Variants in GCLC observed in about 807,000 individuals in gnomAD.
GCLC encodes glutamate--cysteine ligase catalytic subunit.
Under a neutral mutation model 81.5 loss-of-function variants are expected in GCLC, and 30 were observed. The ratio of observed to expected loss-of-function variants is 0.37; its 90% CI spans 0.28 to 0.50. GCLC has a LOEUF of 0.50. Ranked by LOEUF, GCLC falls within the 20% of genes least tolerant of loss-of-function variation. GCLC has a pLI of 0.96. For synonymous variants in GCLC, 262 were observed against 273.3 expected (o/e 0.96, Z 0.41); for missense variants, 556 against 777.4 (o/e 0.72, Z 3.39).
intron 1 of GCLC, among the ~76,000 whole-genome samples, chr6:53,527,809 GA>G (rs1005081366): frequency 9.2e-5 from 14 of 152,226 alleles, no homozygotes; most frequent in Non-Finnish European, 1.8e-4. Flanking sequence ...AGGGTCTAGG[GA>G]TCCTTCAACA....
rs35480206 is a variant in GCLC at position 53,540,667 on chromosome 6, CCACACACACACA to C, written c.150+3817_150+3828del. 5.4e-3 allele frequency among the ~76,000 whole-genome samples: 784 copies of C among 143,916 alleles called. 9 individuals carry two copies. Among genetic ancestry groups the C allele is most frequent in the African/African-American group, 0.019 (748 of 39,194 alleles). 94.4% of individuals were successfully genotyped at this position (143,916 alleles called of 152,430 possible). On this transcript the variant is annotated intron_variant, in intron 1 of 15. Transcript: ENST00000650454. The stretch of plus-strand genomic sequence containing the variant: ...GGTAGAGCTCATGTTAAGTGTCTTG[CCACACACACACA>C]CACACACACACACACACACACACAC...
chr6:53,519,678 T>C (rs1425921176), intron 3 of GCLC, among the ~76,000 whole-genome samples: 1 of 152,062 alleles, frequency 6.6e-6, no homozygotes, highest in African/African-American at 2.4e-5. Flanking sequence ...AAACATTAGG[T>C]CGAAGAAATG....
In GCLC at chr6:53,520,967, A is replaced by G; in HGVS notation, c.264-7T>C. The G allele has an allele frequency of 5.6e-6, 9 of 1,607,476 alleles. No homozygotes were observed. Among genetic ancestry groups the G allele is most frequent in the Non-Finnish European group, 7.7e-6 (9 of 1,173,878 alleles). ...TCTCCAAAGGGTAGGATGGCTACGGAGGAGAAATAACTTAGTTCCATCTTA... is the reference window on the plus strand; with the variant it reads ...TCTCCAAAGGGTAGGATGGCTACGGGGGAGAAATAACTTAGTTCCATCTTA... On this transcript the variant is annotated splice_region_variant and splice_polypyrimidine_tract_variant and intron_variant, in intron 2 of 15. Coordinates refer to ENST00000650454, the MANE Select transcript of GCLC (RefSeq NM_001498.4).
Position 53,544,653 on chromosome 6 carries a change from C to CCCTCCT in GCLC, c.-14_-9dup, listed in dbSNP as rs3830798. On this transcript the variant is annotated 5_prime_UTR_variant, in exon 1 of 16. Coordinates refer to ENST00000650454, the MANE Select transcript of GCLC (RefSeq NM_001498.4). ...CTGGGACAGCAGCCCCATGGCCGCC[C>CCCTCCT]CCTCCTCCTCCTCCTCCTCCTCCGG... 363,967 of 1,547,236 alleles carry CCCTCCT rather than the reference C, an allele frequency of 0.24. 30,747 individuals are homozygous for CCCTCCT. Among genetic ancestry groups the CCCTCCT allele is most frequent in the African/African-American group, 0.44 (31,609 of 72,042 alleles).
At position 53,544,701 on chromosome 6, in the gene GCLC, G is replaced by C. The variant is rs924718258; in HGVS notation, c.-56C>G. 2.1e-5 allele frequency: 32 copies of C among 1,522,868 alleles called. 1 individual carries two copies. Among genetic ancestry groups the C allele is most frequent in the Admixed American group, 2.0e-4 (10 of 50,940 alleles). The allele number at this position is 1,522,868 out of a possible 1,614,324, so 94.3% of individuals were successfully genotyped here. On this transcript the variant is annotated 5_prime_UTR_variant, in exon 1 of 16. Transcript: ENST00000650454. ...CGGGCTGACGGCGGTCGCCCGCTCC[G>C]GGCGCGAGACGGACACTCAGCCGCC... is the stretch of plus-strand genomic sequence containing the variant.
intron 6 of GCLC, chr6:53,509,993 A>T (rs1358817373): frequency 6.6e-6 from 1 of 152,604 alleles, no homozygotes; most frequent in Non-Finnish European, 1.5e-5. Context: ...TATGGTGAAG[A>T]GCTTGGAAGG....
chr6:53,520,993 T>C (rs775041362), intron 2 of GCLC, 33 bp from the exon 3 acceptor site: 1 of 1,551,534 alleles, frequency 6.4e-7, no homozygotes, highest in South Asian at 1.1e-5. Context: ...TTCCATCTTA[T>C]TCTTTTGCTA....
At chr6:53,536,837 G>A (rs1281134494) in intron 1 of GCLC, among the ~76,000 whole-genome samples, 1 of 152,190 alleles carries the variant, frequency 6.6e-6, no homozygotes, top group Non-Finnish European at 1.5e-5. Context: ...ATTCAACCAT[G>A]ATATGGTAGG....
chr6:53,512,486 T>C lies in GCLC; in HGVS notation c.753+1718A>G, dbSNP rs565355230. 2.0e-4 allele frequency among the ~76,000 whole-genome samples: 30 copies of C among 152,270 alleles called. No homozygotes were observed. In the Middle Eastern group the frequency reaches 0.014, roughly 69 times the overall value. ...GATAATTTAATACATTCATATAATTTGTAAAGATCAAATCAGTGTACTTGG... is the reference window on the plus strand; with the variant it reads ...GATAATTTAATACATTCATATAATTCGTAAAGATCAAATCAGTGTACTTGG... On this transcript the variant is annotated intron_variant, in intron 6 of 15. Coordinates refer to ENST00000650454, the MANE Select transcript of GCLC (RefSeq NM_001498.4).
At chr6:53,543,816 T>C (rs1306310822) in intron 1 of GCLC, among the ~76,000 whole-genome samples, 1 of 152,216 alleles carries the variant, frequency 6.6e-6, no homozygotes, top group Non-Finnish European at 1.5e-5. Context: ...TAAAGTTTAG[T>C]TGCTGGACCT....
intron 15 of GCLC, 43 bp from the exon 16 acceptor site, chr6:53,499,010 A>C (rs778685056): frequency 7.7e-7 from 1 of 1,301,514 alleles, no homozygotes; most frequent in Non-Finnish European, 1.1e-6. Flanking sequence ...AAACCACGTA[A>C]GTTTTTTTTT....
chr6:53,505,984 T>C, intron 10 of GCLC, 89 bp from the exon 11 acceptor site: 1 of 797,024 alleles, frequency 1.3e-6, no homozygotes, highest in Non-Finnish European at 2.3e-6. Context: ...GGAAGAAGAC[T>C]GCTCACTGTC....
chr6:53,523,189 T>C (rs1447949280), intron 1 of GCLC: 1 of 149,134 alleles, frequency 6.7e-6, no homozygotes, highest in African/African-American at 2.5e-5. Flanking sequence ...CCTCGTGGAA[T>C]TCTAGTAAAA....
intron 1 of GCLC, among the ~76,000 whole-genome samples, chr6:53,528,595 T>C (rs1441397922): frequency 6.6e-6 from 1 of 152,208 alleles, no homozygotes; most frequent in Non-Finnish European, 1.5e-5. Context: ...TTTCATATAT[T>C]TTGAGAAAAT....
At chr6:53,504,845 ACT>A in intron 12 of GCLC, among the ~76,000 whole-genome samples, 1 of 151,860 alleles carries the variant, frequency 6.6e-6, no homozygotes, top group East Asian at 1.9e-4. Context: ...TTTCCCAGCC[ACT>A]CTCTGCCAAG....
chr6:53,508,883 G>A (rs1764676789), intron 7 of GCLC, among the ~76,000 whole-genome samples, 172 bp from the exon 8 acceptor site: 1 of 152,168 alleles, frequency 6.6e-6, no homozygotes, highest in South Asian at 2.1e-4. Flanking sequence ...CCAGTTCCTT[G>A]GGTTTGATTC....
At chr6:53,535,445 T>C (rs747168805) in intron 1 of GCLC, among the ~76,000 whole-genome samples, 2 of 151,816 alleles carry the variant, frequency 1.3e-5, no homozygotes, top group Non-Finnish European at 2.9e-5. Flanking sequence ...ACCTGGAAGG[T>C]GGAGGTTGCA....
chr6:53,529,725 G>A (rs748854981), intron 1 of GCLC, among the ~76,000 whole-genome samples: 5 of 152,212 alleles, frequency 3.3e-5, no homozygotes, highest in Admixed American at 6.5e-5. Context: ...TAGTCACCAC[G>A]TGGTTGACAA....
At chr6:53,522,855 AAAG>A (rs1464106426) in intron 1 of GCLC, 4 of 243,196 alleles carry the variant, frequency 1.6e-5, no homozygotes, top group Non-Finnish European at 3.2e-5. Context: ...CTGTTGTAAA[AAAG>A]AAGCTGCATT....
Sources: gnomAD v4.1 joint callset for allele counts (sites outside exome capture counted in the v4.1 genomes callset) on GRCh38, gnomAD v4.1.1 for gene constraint, MANE v1.5 for transcripts, NCBI Gene and HGNC (gene_info 2026-07-23, HGNC 2026-07-21) for gene names.